VPS54: variants seen among roughly 807,000 people sequenced by gnomAD.
VPS54 encodes the protein VPS54 subunit of GARP complex.
A neutral mutation model predicts 121.5 loss-of-function variants in VPS54; 45 were observed. That is an observed-to-expected ratio of 0.37 (90% CI 0.29 to 0.47). VPS54 has a LOEUF of 0.47. VPS54 is among the 20% of genes least tolerant of loss of function. The pLI is 0.99. For synonymous variants in VPS54, 371 were observed against 385.8 expected (o/e 0.96, Z 0.45); for missense variants, 1,090 against 1,131.4 (o/e 0.96, Z 0.52).
chr2:63,981,245 ATAT>A (rs1243233750), intron 3 of VPS54, among the ~76,000 whole-genome samples: 3 of 152,068 alleles, frequency 2.0e-5, no homozygotes, highest in Non-Finnish European at 2.9e-5. Flanking sequence ...ATGTCTGGAG[ATAT>A]TATAACTATC....
intron 22 of VPS54, among the ~76,000 whole-genome samples, chr2:63,894,360 A>T (rs1455462918): frequency 1.3e-5 from 2 of 152,196 alleles, no homozygotes; most frequent in Non-Finnish European, 2.9e-5. Context: ...AATGGAAAAA[A>T]GTAATGACTT....
chr2:63,905,007 A>C (rs1049069751), intron 20 of VPS54, among the ~76,000 whole-genome samples: 6 of 152,242 alleles, frequency 3.9e-5, no homozygotes, highest in African/African-American at 1.4e-4. Flanking sequence ...ATAAATAAAA[A>C]TAAAAGCACA....
chr2:63,941,990 C>T (rs1226025394), intron 11 of VPS54, among the ~76,000 whole-genome samples: 6 of 146,234 alleles, frequency 4.1e-5, no homozygotes, highest in South Asian at 4.3e-4. Flanking sequence ...GCCAAGATTG[C>T]GCCACTGCAC....
rs569777136 is a variant in VPS54 at position 63,998,865 on chromosome 2, T to G, written c.-20-14846A>C. On this transcript the variant is annotated intron_variant, in intron 1 of 22. Coordinates refer to ENST00000272322, the MANE Select transcript of VPS54 (RefSeq NM_016516.3). ...TGTTATAATATTCTATGATTTTCTG[T>G]GTACTTATATTGCCAGTTAGTTTTA... 3.9e-5 allele frequency among the ~76,000 whole-genome samples: 6 copies of G among 152,332 alleles called. No individual in the cohort carries two copies. In the South Asian group the frequency reaches 1.2e-3, roughly 32 times the overall value.
At chr2:64,008,405 C>T (rs751588990) in intron 1 of VPS54, among the ~76,000 whole-genome samples, 1 of 103,680 alleles carries the variant, frequency 9.6e-6, no homozygotes, top group Non-Finnish European at 1.9e-5. Flanking sequence ...CAGAGCGCGA[C>T]TCCGTCTCAA....
intron 1 of VPS54, among the ~76,000 whole-genome samples, chr2:63,990,523 G>C (rs903482084): frequency 1.3e-5 from 2 of 151,846 alleles, no homozygotes; most frequent in African/African-American, 2.4e-5. Context: ...CTGCCTCTCT[G>C]TACCCTTCTT....
rs1673398073 is a variant in VPS54, at chr2:63,916,768, T to A, written c.2228+132A>T. On this transcript the variant is annotated intron_variant, in intron 16 of 22. Coordinates refer to ENST00000272322, the MANE Select transcript of VPS54 (RefSeq NM_016516.3). ...GTTTCCTTTAAGTTCTTTGCAGGAT[T>A]TAAAACAGTTAATCCAAATTTAACA... 7.6e-6 allele frequency: 6 copies of A among 792,824 alleles called. No homozygotes were observed. The South Asian group carries it at 1.0e-4, about 13-fold the overall frequency. The allele number at this position is 792,824 out of a possible 1,614,324, so 49.1% of individuals were successfully genotyped here. A position where few individuals can be genotyped will look rare whatever the true frequency, so the allele number is the denominator to read the frequency against.
chr2:63,952,358 G>GA (rs1444825710), intron 7 of VPS54, among the ~76,000 whole-genome samples: 6 of 151,862 alleles, frequency 4.0e-5, no homozygotes, highest in African/African-American at 1.5e-4. Context: ...ATATCTCAGG[G>GA]AAAAAAATGT....
At chr2:64,017,381 G>A (rs115812056) in intron 1 of VPS54, among the ~76,000 whole-genome samples, 1,843 of 150,424 alleles carry the variant, frequency 0.012, 15 homozygotes, top group Non-Finnish European at 0.015. Flanking sequence ...GTGTGATGAA[G>A]AAATTCTGCA....
chr2:64,005,086 C>CTTTTTTTTTT (rs1559053926), intron 1 of VPS54, among the ~76,000 whole-genome samples: 2 of 76,604 alleles, frequency 2.6e-5, no homozygotes, highest in Non-Finnish European at 4.8e-5. Context: ...TCTACTATTG[C>CTTTTTTTTTT]TTCTTTTTTT....
intron 10 of VPS54, 43 bp from the exon 11 acceptor site, chr2:63,942,604 G>C (rs1002873960): frequency 3.4e-6 from 5 of 1,470,720 alleles, no homozygotes; most frequent in Non-Finnish European, 3.7e-6. Flanking sequence ...TTGTCTCTGG[G>C]CCAATCAATA....
chr2:63,899,214 G>A (rs1672567763), intron 21 of VPS54, among the ~76,000 whole-genome samples: 1 of 152,158 alleles, frequency 6.6e-6, no homozygotes, highest in South Asian at 2.1e-4. Context: ...TGGGACTACT[G>A]ATCATGGACA....
intron 12 of VPS54, 142 bp from the exon 13 acceptor site, chr2:63,921,477 T>C: frequency 1.3e-6 from 1 of 799,962 alleles, no homozygotes; most frequent in Non-Finnish European, 1.9e-6. Context: ...TATCTTATAG[T>C]TTTTATAGTG....
intron 3 of VPS54, among the ~76,000 whole-genome samples, chr2:63,975,881 G>A (rs890114994): frequency 6.6e-6 from 1 of 152,202 alleles, no homozygotes; most frequent in Non-Finnish European, 1.5e-5. Context: ...ACATAGCTGG[G>A]ATTACAGGCA....
intron 4 of VPS54, among the ~76,000 whole-genome samples, chr2:63,970,304 G>GATATATATAGATAT (rs1358578690): frequency 7.8e-4 from 104 of 134,010 alleles, no homozygotes; most frequent in African/African-American, 1.2e-3. Context: ...GATATATATA[G>GATATATATAGATAT]ATATAGATAA....
intron 8 of VPS54, 89 bp downstream of exon 8, chr2:63,948,948 T>C: frequency 6.7e-7 from 1 of 1,501,902 alleles, no homozygotes; most frequent in East Asian, 2.3e-5. Context: ...TTTAAGATAA[T>C]TTTGATTCCT....
chr2:63,961,498 A>G (rs1675770816), intron 7 of VPS54, among the ~76,000 whole-genome samples: 1 of 148,052 alleles, frequency 6.8e-6, no homozygotes, highest in African/African-American at 2.4e-5. Flanking sequence ...CGAAATTTTG[A>G]TGGCTTGCAA....
intron 1 of VPS54, among the ~76,000 whole-genome samples, chr2:63,986,304 G>A (rs898257833): frequency 6.6e-6 from 1 of 151,960 alleles, no homozygotes; most frequent in African/African-American, 2.4e-5. Flanking sequence ...CCAGGCCTCT[G>A]GTAACCATCA....
chr2:63,935,883 GATAAAGGA>G (rs1342906229), intron 11 of VPS54, among the ~76,000 whole-genome samples: 3 of 152,074 alleles, frequency 2.0e-5, no homozygotes, highest in Non-Finnish European at 4.4e-5. Context: ...TGGCTTAATC[GATAAAGGA>G]ATTTCATTTG....
Sources: allele counts gnomAD v4.1 joint callset (sites outside exome capture counted in the v4.1 genomes callset), GRCh38; gene constraint gnomAD v4.1.1; transcripts MANE v1.5; gene names NCBI Gene and HGNC (gene_info 2026-07-23, HGNC 2026-07-21).